The following R3HCC1L variants were observed in gnomAD, a reference collection of about 807,000 sequenced individuals.
R3HCC1L encodes coiled-coil domain-containing protein R3HCC1L.
Under a neutral mutation model 59.9 loss-of-function variants are expected in R3HCC1L, and 51 were observed. The observed-to-expected ratio is 0.85, with a 90% CI of 0.68 to 1.07. R3HCC1L has a LOEUF of 1.07. R3HCC1L is among the 50% of genes least tolerant of loss of function. R3HCC1L has a pLI of 0.00. For synonymous variants in R3HCC1L, 322 were observed against 315.2 expected (o/e 1.02, Z -0.23); for missense variants, 965 against 933.0 (o/e 1.03, Z -0.45).
intron 4 of R3HCC1L, among the ~76,000 whole-genome samples, chr10:98,188,932 A>G (rs562720812): frequency 5.2e-4 from 79 of 152,264 alleles, no homozygotes; most frequent in African/African-American, 1.8e-3. Flanking sequence ...TCTACTTCAT[A>G]GGGTTGTTGG....
At chr10:98,237,738 C>T (rs1857115519) in intron 9 of R3HCC1L, among the ~76,000 whole-genome samples, 1 of 152,238 alleles carries the variant, frequency 6.6e-6, no homozygotes, top group Non-Finnish European at 1.5e-5. Flanking sequence ...CTCCAGCGTG[C>T]TACCATTCTT....
At chr10:98,162,845 A>G (rs1295338903) in intron 2 of R3HCC1L, 38 bp from the exon 3 acceptor site, 1 of 152,268 alleles carries the variant, frequency 6.6e-6, no homozygotes, top group Non-Finnish European at 1.5e-5. Context: ...GTACAGGTGC[A>G]TGCTACCATG....
At position 98,227,239 on chromosome 10, in the gene R3HCC1L, T is replaced by TA. The variant is rs549092511; in HGVS notation, c.1786-4272dup. Reference sequence around the variant, plus strand: ...CTTATCTATGAAGTATAGGTACTGTTATTATTCCCATGTTTTACATGTAAA... The same window carrying TA: ...CTTATCTATGAAGTATAGGTACTGTTAATTATTCCCATGTTTTACATGTAAA... On this transcript the variant is annotated intron_variant, in intron 5 of 9. Coordinates refer to ENST00000298999, the MANE Select transcript of R3HCC1L (RefSeq NM_001351015.2). 1.8e-3 allele frequency among the ~76,000 whole-genome samples: 272 copies of TA among 152,332 alleles called. 3 individuals are homozygous for TA. Among genetic ancestry groups the TA allele is most frequent in the Non-Finnish European group, 3.4e-3 (231 of 68,028 alleles).
chr10:98,163,497 TG>T, intron 4 of R3HCC1L, 100 bp downstream of exon 4: 1 of 757,066 alleles, frequency 1.3e-6, no homozygotes, highest in Non-Finnish European at 1.9e-6. Flanking sequence ...CATTTTATTT[TG>T]TAACTGTCAT....
chr10:98,167,105 A>G (rs752910509), intron 4 of R3HCC1L, among the ~76,000 whole-genome samples: 7 of 151,816 alleles, frequency 4.6e-5, no homozygotes, highest in Non-Finnish European at 7.4e-5. Context: ...TCTTTGTATC[A>G]TAAGAATACT....
At chr10:98,159,265 A>G (rs1258235713) in intron 2 of R3HCC1L, among the ~76,000 whole-genome samples, 1 of 152,204 alleles carries the variant, frequency 6.6e-6, no homozygotes, top group East Asian at 1.9e-4. Flanking sequence ...AGGAGGCACA[A>G]GATGTTCAAA....
In R3HCC1L at chr10:98,152,733, G is replaced by C. The variant is rs926985063; in HGVS notation, c.-267-3360G>C. ...TCTGCTGGGCCGCCCCGTCTGAGAA[G>C]TGAGGAGCCCCTCCGCCTGGCAGCC... On this transcript the variant is annotated intron_variant, in intron 1 of 9. Transcript: ENST00000298999. Among the ~76,000 whole-genome samples the C allele has an allele frequency of 7.1e-5, 10 of 140,088 alleles. 3 individuals are homozygous for C. Among genetic ancestry groups the C allele is most frequent in the Non-Finnish European group, 1.3e-4 (8 of 61,962 alleles). 91.9% of individuals were successfully genotyped at this position (140,088 alleles called of 152,430 possible).
At position 98,237,035 on chromosome 10, in the gene R3HCC1L, G is replaced by A. The variant is rs74647177; in HGVS notation, c.2269+871G>A. Among the ~76,000 whole-genome samples, 457 of 152,248 alleles carry A rather than the reference G, an allele frequency of 3.0e-3. 4 individuals carry two copies. The highest frequency in any genetic ancestry group is 9.3e-3 in the African/African-American group (386 of 41,542). ...GCTGGTCTAACAAGGCCATTAATACGTCCTGTCCTCTCTGCTTTAGTGATA... is the reference window on the plus strand; with the variant it reads ...GCTGGTCTAACAAGGCCATTAATACATCCTGTCCTCTCTGCTTTAGTGATA... On this transcript the variant is annotated intron_variant, in intron 9 of 9. Coordinates refer to ENST00000298999, the MANE Select transcript of R3HCC1L (RefSeq NM_001351015.2).
chr10:98,162,249 A>G (rs1391307249), intron 2 of R3HCC1L, among the ~76,000 whole-genome samples: 1 of 152,208 alleles, frequency 6.6e-6, no homozygotes. Context: ...CACTATTGTA[A>G]ACAGTTCTGG....
At chr10:98,226,056 C>T (rs1855637413) in intron 5 of R3HCC1L, among the ~76,000 whole-genome samples, 1 of 152,110 alleles carries the variant, frequency 6.6e-6, no homozygotes, top group Non-Finnish European at 1.5e-5. Context: ...CCATGTTGCC[C>T]AGGCTGGTCT....
chr10:98,214,869 A>T (rs781626388), intron 5 of R3HCC1L, among the ~76,000 whole-genome samples: 7 of 152,238 alleles, frequency 4.6e-5, no homozygotes, highest in South Asian at 4.1e-4. Flanking sequence ...CATTAGTTCT[A>T]CAAGACTATC....
intron 4 of R3HCC1L, among the ~76,000 whole-genome samples, chr10:98,191,975 C>A (rs549329597): frequency 1.3e-5 from 2 of 152,070 alleles, no homozygotes; most frequent in African/African-American, 4.8e-5. Context: ...CAGGCACCCG[C>A]CACCACGCCT....
At chr10:98,197,347 T>G (rs1851548699) in intron 4 of R3HCC1L, among the ~76,000 whole-genome samples, 1 of 152,224 alleles carries the variant, frequency 6.6e-6, no homozygotes, top group Non-Finnish European at 1.5e-5. Context: ...CCTGATAATT[T>G]ATGTGTCTCT....
At chr10:98,165,473 A>G (rs1054159433) in intron 4 of R3HCC1L, among the ~76,000 whole-genome samples, 1 of 152,190 alleles carries the variant, frequency 6.6e-6, no homozygotes, top group Non-Finnish European at 1.5e-5. Context: ...TTAGATCCAC[A>G]ATGGCTAGGC....
intron 1 of R3HCC1L, among the ~76,000 whole-genome samples, chr10:98,146,946 A>G (rs1845707041): frequency 6.6e-6 from 1 of 152,200 alleles, no homozygotes; most frequent in Admixed American, 6.5e-5. Flanking sequence ...GCTGGATCAT[A>G]TGATGACTCT....
At chr10:98,212,652 G>A (rs561906964) in intron 5 of R3HCC1L, among the ~76,000 whole-genome samples, 1 of 152,256 alleles carries the variant, frequency 6.6e-6, no homozygotes, top group East Asian at 1.9e-4. Flanking sequence ...TTAGCCCTCT[G>A]AATTCTTGGT....
rs376808981 is a variant in R3HCC1L at position 98,231,991 on chromosome 10, A to G, written c.1961+304A>G. 3.3e-5 allele frequency among the ~76,000 whole-genome samples: 5 copies of G among 152,264 alleles called. No homozygotes were observed. In the South Asian group the frequency reaches 1.0e-3, roughly 32 times the overall value. ...TGTAATTGTTGATATATTTGGATGT[A>G]TTGTCAGATTGCCTGCCATCTTTAT... On this transcript the variant is annotated intron_variant, in intron 6 of 9. Transcript: ENST00000298999.
intron 4 of R3HCC1L, among the ~76,000 whole-genome samples, chr10:98,197,548 T>G (rs73323894): frequency 2.3e-4 from 35 of 152,280 alleles, no homozygotes; most frequent in African/African-American, 8.2e-4. Flanking sequence ...GCCAGGAGCT[T>G]TGTTCATTAC....
intron 4 of R3HCC1L, among the ~76,000 whole-genome samples, chr10:98,175,850 C>A (rs537894445): frequency 6.6e-6 from 1 of 152,002 alleles, no homozygotes; most frequent in South Asian, 2.1e-4. Context: ...TCTAAGAAAC[C>A]TTTGCTAAAC....
Sources: allele counts gnomAD v4.1 joint callset (sites outside exome capture counted in the v4.1 genomes callset), GRCh38; gene constraint gnomAD v4.1.1; transcripts MANE v1.5; gene names NCBI Gene and HGNC (gene_info 2026-07-23, HGNC 2026-07-21).